PDE4D: variants seen among roughly 807,000 people sequenced by gnomAD.
PDE4D encodes 3',5'-cyclic-AMP phosphodiesterase 4D.
PDE4D carries 24 observed loss-of-function variants against 87.4 expected under a neutral mutation model. The ratio of observed to expected loss-of-function variants is 0.27; its 90% CI spans 0.20 to 0.39. PDE4D has a LOEUF of 0.39. Ranked by LOEUF, PDE4D falls within the 10% of genes least tolerant of loss-of-function variation. PDE4D has a pLI of 1.00. For missense variants in PDE4D, 714 were observed against 1,041.0 expected, an observed-to-expected ratio of 0.69 and a Z score of 4.32; for synonymous variants, 384 against 383.2, an observed-to-expected ratio of 1.00 and a Z score of -0.02.
At chr5:59,769,827 C>A (rs1234128338) in intron 1 of PDE4D, among the ~76,000 whole-genome samples, 1 of 126,364 alleles carries the variant, frequency 7.9e-6, no homozygotes, top group African/African-American at 3.0e-5. Flanking sequence ...TAGGGAGCTA[C>A]AAAATGCATC....
intron 1 of PDE4D, among the ~76,000 whole-genome samples, chr5:59,716,909 G>A (rs768945141): frequency 2.6e-4 from 39 of 152,134 alleles, no homozygotes; most frequent in Non-Finnish European, 5.1e-4. Flanking sequence ...AGGAAATCAC[G>A]ACAGCTGTAC....
intron 2 of PDE4D, among the ~76,000 whole-genome samples, chr5:60,184,028 A>C (rs531261276): frequency 6.6e-6 from 1 of 152,308 alleles, no homozygotes; most frequent in African/African-American, 2.4e-5. Flanking sequence ...TAGGCAACTC[A>C]GGTTCTCTTA....
chr5:59,978,171 T>C (rs575889774), intron 3 of PDE4D, among the ~76,000 whole-genome samples: 72 of 152,320 alleles, frequency 4.7e-4, no homozygotes, highest in African/African-American at 1.6e-3. Context: ...TTTTAAGCCT[T>C]ATTATTTAAG....
chr5:59,735,749 C>T (rs1298511571), intron 1 of PDE4D, among the ~76,000 whole-genome samples: 2 of 152,084 alleles, frequency 1.3e-5, no homozygotes, highest in African/African-American at 4.8e-5. Context: ...TCACTGAAAC[C>T]TCCACCTCCC....
chr5:59,762,893 A>ATATATATT (rs70975330), intron 1 of PDE4D, among the ~76,000 whole-genome samples: 1 of 105,906 alleles, frequency 9.4e-6, no homozygotes, highest in African/African-American at 3.4e-5. Flanking sequence ...ATATATATAT[A>ATATATATT]GCTTGCTCTT....
intron 1 of PDE4D, among the ~76,000 whole-genome samples, chr5:60,380,804 A>C (rs900502338): frequency 6.6e-6 from 1 of 152,226 alleles, no homozygotes; most frequent in Non-Finnish European, 1.5e-5. Flanking sequence ...AGAAATCGAC[A>C]TCACTTAGTA....
chr5:59,283,000 T>C (rs1766151278), intron 1 of PDE4D, among the ~76,000 whole-genome samples: 1 of 152,132 alleles, frequency 6.6e-6, no homozygotes, highest in African/African-American at 2.4e-5. Flanking sequence ...GACTGCCTGG[T>C]TGCAAATCCA....
At chr5:59,846,364 G>A (rs887786073) in intron 1 of PDE4D, among the ~76,000 whole-genome samples, 13 of 152,014 alleles carry the variant, frequency 8.6e-5, no homozygotes, top group African/African-American at 3.1e-4. Context: ...TGTCAGATCG[G>A]AGAAGAATTC....
intron 1 of PDE4D, among the ~76,000 whole-genome samples, chr5:59,493,450 A>G (rs1806599223): frequency 6.6e-6 from 1 of 152,232 alleles, no homozygotes; most frequent in Admixed American, 6.5e-5. Context: ...ACAGTTCAAT[A>G]TACTGTAATA....
At chr5:59,654,828 A>T (rs77130811) in intron 1 of PDE4D, among the ~76,000 whole-genome samples, 4,394 of 152,154 alleles carry the variant, frequency 0.029, 158 homozygotes, top group East Asian at 0.14. Context: ...AAATTATGTC[A>T]TTCCGGCTTC....
At chr5:59,488,569 C>T (rs962721191) in intron 1 of PDE4D, among the ~76,000 whole-genome samples, 4 of 151,774 alleles carry the variant, frequency 2.6e-5, no homozygotes, top group Non-Finnish European at 4.4e-5. Context: ...CTGTGCTTAG[C>T]AAACAGTTAC....
chr5:59,793,666 AT>A (rs1460483383), intron 1 of PDE4D, among the ~76,000 whole-genome samples: 3 of 152,264 alleles, frequency 2.0e-5, no homozygotes, highest in Non-Finnish European at 4.4e-5. Context: ...TTCCAGGCAC[AT>A]TTAATGCAAA....
At chr5:60,063,772 T>C (rs1039460711) in intron 2 of PDE4D, among the ~76,000 whole-genome samples, 13 of 152,062 alleles carry the variant, frequency 8.5e-5, no homozygotes, top group African/African-American at 2.9e-4. Flanking sequence ...GAGATTTGCA[T>C]GGAGGTGATG....
intron 2 of PDE4D, among the ~76,000 whole-genome samples, chr5:60,029,783 A>C (rs1315832386): frequency 2.0e-5 from 3 of 152,044 alleles, no homozygotes; most frequent in East Asian, 3.9e-4. Flanking sequence ...ACTGAAGGTG[A>C]TTGTTGAAGT....
intron 2 of PDE4D, among the ~76,000 whole-genome samples, chr5:60,107,340 A>T (rs1206197446): frequency 6.6e-6 from 1 of 152,126 alleles, no homozygotes; most frequent in Non-Finnish European, 1.5e-5. Context: ...GACCAATAAC[A>T]GGATCTGAAA....
At chr5:59,430,548 G>T in intron 1 of PDE4D, 1 of 613,316 alleles carries the variant, frequency 1.6e-6, no homozygotes, top group Non-Finnish European at 2.4e-6. Flanking sequence ...GTGCTTCTTT[G>T]CTTCAAAAGT....
chr5:60,418,004 A>G (rs1742763826), intron 1 of PDE4D, among the ~76,000 whole-genome samples: 1 of 152,210 alleles, frequency 6.6e-6, no homozygotes, highest in Non-Finnish European at 1.5e-5. Context: ...AACCTGAAAA[A>G]GAGACTCCTG....
At chr5:60,105,275 A>G (rs1293950009) in intron 2 of PDE4D, among the ~76,000 whole-genome samples, 1 of 152,220 alleles carries the variant, frequency 6.6e-6, no homozygotes, top group African/African-American at 2.4e-5. Context: ...ATGGAAGATG[A>G]AATGAATGAA....
At chr5:60,428,220 A>G (rs1235718921) in intron 1 of PDE4D, among the ~76,000 whole-genome samples, 2 of 152,216 alleles carry the variant, frequency 1.3e-5, no homozygotes, top group African/African-American at 2.4e-5. Flanking sequence ...GGGGCTGCAT[A>G]TTTTTAGCCC....
Sources: allele counts gnomAD v4.1 joint callset (sites outside exome capture counted in the v4.1 genomes callset), GRCh38; gene constraint gnomAD v4.1.1; transcripts MANE v1.5; gene names NCBI Gene and HGNC (gene_info 2026-07-23, HGNC 2026-07-21).